BRCA2: variants seen among roughly 807,000 people sequenced by gnomAD.
BRCA2 encodes the protein breast cancer type 2 susceptibility protein.
In BRCA2, 203 loss-of-function variants were observed where a neutral mutation model predicts 276.7. That is an observed-to-expected ratio of 0.73 (90% CI 0.65 to 0.82). The LOEUF (loss-of-function observed/expected upper bound fraction) is 0.82, where lower values mean the gene tolerates loss of function less well. Among genes scored for constraint, BRCA2 ranks in the 40% least tolerant of loss-of-function variants. The probability of loss-of-function intolerance (pLI) is 0.00; values close to 1 mark genes in which losing one functional copy is unlikely to be tolerated. For synonymous variants in BRCA2, 1,289 were observed against 1,338.4 expected (o/e 0.96, Z 0.81); for missense variants, 3,920 against 3,915.0 (o/e 1.00, Z -0.03).
chr13:32,358,043 T>A, intron 16 of BRCA2, 114 bp downstream of exon 16: 1 of 1,133,322 alleles, frequency 8.8e-7, no homozygotes, highest in East Asian at 2.5e-5. Context: ...TTTTATGCAT[T>A]TAATTGTTTT....
At position 32,399,741 on chromosome 13, in the gene BRCA2, CAGA is replaced by C. The variant is rs1483654098; in HGVS notation, c.*975_*977del. 6 of 162,292 alleles carry C rather than the reference CAGA, an allele frequency of 3.7e-5. No homozygotes were observed. In the East Asian group the frequency reaches 5.3e-4, roughly 14 times the overall value. 10.1% of individuals were successfully genotyped at this position (162,292 alleles called of 1,614,324 possible). ...TGCCCTTTTAAACTTACCACAAAAG[CAGA>C]AGATTAATTCAATTTAAGATGATAC... On this transcript the variant is annotated 3_prime_UTR_variant, in exon 27 of 27. Coordinates refer to ENST00000380152, the MANE Select transcript of BRCA2 (RefSeq NM_000059.4).
chr13:32,338,547 G>A lies in BRCA2; in HGVS notation c.4192G>A (p.Ala1398Thr), dbSNP rs876659902. The change falls in exon 11 of 27, where the codon GCA (alanine) becomes ACA (threonine). Residue 1398 changes from alanine to threonine, a missense_variant. Around this residue, in one of 2 missense-constraint regions of BRCA2, gnomAD observed 3,263 missense variants for 3,156.9 expected, o/e 1.03. Transcript: ENST00000380152. Reference sequence around the variant, plus strand: ...TTTGGAAGTTGCGAAAGCTCAAGAAGCATGTCATGGTAATACTTCAAATAA... The same window carrying A: ...TTTGGAAGTTGCGAAAGCTCAAGAAACATGTCATGGTAATACTTCAAATAA... ...TFLEVAKAQE[A>T]CHGNTSNKEQ... The A allele has an allele frequency of 6.2e-7, 1 of 1,602,500 alleles. No individual in the cohort carries two copies. Among genetic ancestry groups the A allele is most frequent in the South Asian group, 1.1e-5 (1 of 88,168 alleles).
intron 16 of BRCA2, among the ~76,000 whole-genome samples, chr13:32,359,460 G>A (rs1300178316): frequency 1.3e-5 from 2 of 151,996 alleles, no homozygotes; most frequent in African/African-American, 4.8e-5. Context: ...TTTTATTGTA[G>A]TTTTTACAGA....
intron 16 of BRCA2, among the ~76,000 whole-genome samples, chr13:32,361,426 A>G (rs1163882291): frequency 1.3e-5 from 2 of 152,220 alleles, no homozygotes; most frequent in African/African-American, 4.8e-5. Flanking sequence ...GAGACACAGA[A>G]TACAGTCGAT....
At chr13:32,348,919 C>T (rs2072628948) in intron 13 of BRCA2, among the ~76,000 whole-genome samples, 1 of 152,114 alleles carries the variant, frequency 6.6e-6, no homozygotes, top group Non-Finnish European at 1.5e-5. Context: ...TAGGAAACTT[C>T]TTAGTAAAGA....
At position 32,338,505 on chromosome 13, in the gene BRCA2, T is replaced by A. The variant is rs779408742; in HGVS notation, c.4150T>A (p.Leu1384Met). ...GGGAAACACTCAGATTAAAGAAGAT[T>A]TGTCAGATTTAACTTTTTTGGAAGT... ...KEGNTQIKED[L>M]SDLTFLEVAK... The change falls in exon 11 of 27, where the codon TTG (leucine) becomes ATG (methionine). Residue 1384 changes from leucine (L) to methionine (M), a missense_variant. Transcript: ENST00000380152. The A allele has an allele frequency of 1.2e-6, 2 of 1,605,652 alleles. No homozygotes were observed. The highest frequency in any genetic ancestry group is 1.7e-6 in the Non-Finnish European group (2 of 1,177,766).
Position 32,388,532 on chromosome 13 carries a change from C to CT in BRCA2, c.9257-6147dup, listed in dbSNP as rs994897492. ...AATAAATTACATGAGATATTCAACA[C>CT]TTTTTTTTTTAAAAACAGGCCTTGC... On this transcript the variant is annotated intron_variant, in intron 24 of 26. Coordinates refer to ENST00000380152, the MANE Select transcript of BRCA2 (RefSeq NM_000059.4). Among the ~76,000 whole-genome samples the CT allele has an allele frequency of 7.5e-3, 1,126 of 150,144 alleles. 13 individuals are homozygous for CT. Among genetic ancestry groups the CT allele is most frequent in the African/African-American group, 0.025 (1,035 of 40,976 alleles).
At chr13:32,374,726 A>G (rs1443091061) in intron 20 of BRCA2, among the ~76,000 whole-genome samples, 1 of 152,210 alleles carries the variant, frequency 6.6e-6, no homozygotes, top group Non-Finnish European at 1.5e-5. Context: ...CCATTCAACA[A>G]GTCTCTAGGG....
chr13:32,334,782 C>G (rs1220170764), intron 10 of BRCA2, among the ~76,000 whole-genome samples: 1 of 151,944 alleles, frequency 6.6e-6, no homozygotes, highest in Non-Finnish European at 1.5e-5. Flanking sequence ...ACATAATTTT[C>G]TTAAATATTT....
chr13:32,381,033 C>T (rs535016479), intron 24 of BRCA2, among the ~76,000 whole-genome samples: 4 of 152,104 alleles, frequency 2.6e-5, no homozygotes, highest in Admixed American at 6.6e-5. Flanking sequence ...TTTAGTGCTT[C>T]GTAGGTTTTT....
rs574271678 is a variant in BRCA2, at chr13:32,394,689, G to C, written c.9257G>C (p.Gly3086Ala). 48 of 1,612,568 alleles carry C rather than the reference G, an allele frequency of 3.0e-5. 1 individual carries two copies. In the South Asian group the frequency reaches 5.3e-4, roughly 18 times the overall value. Residue 3086 changes from glycine (G) to alanine (A), a missense_variant and splice_region_variant, in exon 25 of 27, where the codon GGA becomes GCA. This residue lies in a region of BRCA2 where 657 missense variants were observed against 758.2 expected (regional missense o/e 0.87). Transcript: ENST00000380152. ...GFVVSVVKKT[G>A]LAPFVYLSDE... is the part of the protein sequence containing the mutation. Reference sequence around the variant, plus strand: ...TTCTTTTCTTTTTTTTCCATTCTAGGACTTGCCCCTTTCGTCTATTTGTCA... The same window carrying C: ...TTCTTTTCTTTTTTTTCCATTCTAGCACTTGCCCCTTTCGTCTATTTGTCA...
chr13:32,387,857 A>G (rs576214484), intron 24 of BRCA2, among the ~76,000 whole-genome samples: 1 of 152,176 alleles, frequency 6.6e-6, no homozygotes, highest in East Asian at 1.9e-4. Context: ...TCCTGTAATC[A>G]CGTGAATTGC....
At chr13:32,332,171 G>T in intron 9 of BRCA2, 101 bp from the exon 10 acceptor site, 2 of 1,177,046 alleles carry the variant, frequency 1.7e-6, no homozygotes, top group South Asian at 3.2e-5. Flanking sequence ...GTAATATTTA[G>T]CACATTCTAC....
At chr13:32,361,848 G>C (rs548533217) in intron 16 of BRCA2, among the ~76,000 whole-genome samples, 1 of 151,986 alleles carries the variant, frequency 6.6e-6, no homozygotes, top group Non-Finnish European at 1.5e-5. Flanking sequence ...AGAACAGAGG[G>C]GACAGGATCA....
chr13:32,341,880 A>G (rs2072573800), intron 11 of BRCA2, among the ~76,000 whole-genome samples: 1 of 151,806 alleles, frequency 6.6e-6, no homozygotes, highest in Non-Finnish European at 1.5e-5. Context: ...AAAAAAAAAA[A>G]AAGTTGGTTT....
rs786202063 is a variant in BRCA2 at position 32,379,843 on chromosome 13, CTAAAAG to C, written c.9052_9057del (p.Lys3019_Ser3020del). ...ATTTATCATCTTGCAACTTCAAAAT[CTAAAAG>C]TAAATCTGAAAGAGCTAACATACAG... On this transcript the variant is annotated inframe_deletion, in exon 23 of 27. Coordinates refer to ENST00000380152, the MANE Select transcript of BRCA2 (RefSeq NM_000059.4). 1.2e-5 allele frequency: 19 copies of C among 1,613,580 alleles called. No homozygotes were observed. The African/African-American group carries it at 2.1e-4, about 18-fold the overall frequency.
Position 32,336,954 on chromosome 13 carries a change from A to G in BRCA2, c.2599A>G (p.Thr867Ala), listed in dbSNP as rs80358522. Residue 867 changes from threonine to alanine, a missense_variant, in exon 11 of 27, where the codon ACT (threonine) becomes GCT (alanine). This residue lies in a region of BRCA2 where 3,263 missense variants were observed against 3,156.9 expected (regional missense o/e 1.03). Coordinates refer to ENST00000380152, the MANE Select transcript of BRCA2 (RefSeq NM_000059.4). ...LRVIQKNQEE[T>A]TSISKITVNP... ...AGTAATCCAAAAAAATCAAGAAGAA[A>G]CTACTTCAATTTCAAAAATAACTGT... 1 of 1,585,288 alleles carries G rather than the reference A, an allele frequency of 6.3e-7. No homozygotes were observed. Among genetic ancestry groups the G allele is most frequent in the Non-Finnish European group, 8.5e-7 (1 of 1,172,720 alleles).
intron 24 of BRCA2, among the ~76,000 whole-genome samples, chr13:32,386,712 C>T (rs1426971845): frequency 6.6e-6 from 1 of 152,002 alleles, no homozygotes; most frequent in African/African-American, 2.4e-5. Context: ...ATTAATTTCT[C>T]CCCCCCTTAG....
At chr13:32,330,497 A>G (rs940872215) in intron 8 of BRCA2, among the ~76,000 whole-genome samples, 1 of 152,202 alleles carries the variant, frequency 6.6e-6, no homozygotes, top group African/African-American at 2.4e-5. Flanking sequence ...GTTAAGTAAA[A>G]TAAGGGTGAC....
Sources: gnomAD v4.1 joint callset for allele counts (sites outside exome capture counted in the v4.1 genomes callset) on GRCh38, gnomAD v4.1.1 for gene constraint, gnomAD v4.1.1 regional missense constraint, MANE v1.5 for transcripts, NCBI Gene and HGNC (gene_info 2026-07-23, HGNC 2026-07-21) for gene names.